The following FBXL17 variants were observed in gnomAD, a reference collection of about 807,000 sequenced individuals.
FBXL17 encodes the protein F-box and leucine rich repeat protein 17, also known as F-box/LRR-repeat protein 17.
Under a neutral mutation model 66.2 loss-of-function variants are expected in FBXL17, and 22 were observed. That is an observed-to-expected ratio of 0.33 (90% CI 0.24 to 0.47). The LOEUF is 0.47. FBXL17 is among the 20% of genes least tolerant of loss of function. FBXL17 has a pLI of 1.00. For synonymous variants in FBXL17, 474 were observed against 400.5 expected, an observed-to-expected ratio of 1.18 and a Z score of -2.19; for missense variants, 878 against 948.2, an observed-to-expected ratio of 0.93 and a Z score of 0.97.
intron 4 of FBXL17, among the ~76,000 whole-genome samples, chr5:108,316,988 C>T (rs188148051): frequency 1.3e-5 from 2 of 151,290 alleles, no homozygotes; most frequent in African/African-American, 4.8e-5. Flanking sequence ...ATATTTATCA[C>T]ATTTAAAGTT....
rs1283235170 is a variant in FBXL17, at chr5:107,860,637, G to A, written c.*1083C>T. ...GCAATAGATCTTTGCAGTAGCATGAGAACTAGTCCAAAATGACAACATGCA... is the reference window on the plus strand; with the variant it reads ...GCAATAGATCTTTGCAGTAGCATGAAAACTAGTCCAAAATGACAACATGCA... On this transcript the variant is annotated 3_prime_UTR_variant, in exon 9 of 9. Transcript: ENST00000542267. 6.6e-6 allele frequency: 1 copy of A among 152,522 alleles called. No homozygotes were observed. The highest frequency in any genetic ancestry group is 1.5e-5 in the Non-Finnish European group (1 of 68,008). The allele number at this position is 152,522 out of a possible 1,614,324, so 9.4% of individuals were successfully genotyped here.
intron 6 of FBXL17, among the ~76,000 whole-genome samples, chr5:108,109,504 C>T (rs534424402): frequency 7.9e-5 from 12 of 152,260 alleles, no homozygotes; most frequent in Admixed American, 7.8e-4. Flanking sequence ...TCAAACCTAG[C>T]ATAAAAAATA....
intron 4 of FBXL17, among the ~76,000 whole-genome samples, chr5:108,247,823 AG>A (rs1182377761): frequency 2.0e-5 from 3 of 152,196 alleles, no homozygotes; most frequent in East Asian, 3.9e-4. Flanking sequence ...GCCAAATACC[AG>A]GGATTAACAT....
At chr5:108,042,622 C>T (rs998836456) in intron 6 of FBXL17, among the ~76,000 whole-genome samples, 1 of 152,158 alleles carries the variant, frequency 6.6e-6, no homozygotes, top group Non-Finnish European at 1.5e-5. Context: ...AGTAGTATTC[C>T]ATGATATGCA....
intron 6 of FBXL17, among the ~76,000 whole-genome samples, chr5:108,054,947 C>T (rs1580379476): frequency 6.6e-6 from 1 of 152,062 alleles, no homozygotes; most frequent in South Asian, 2.1e-4. Flanking sequence ...TTTAGCAGTA[C>T]TTAGTGGAGG....
chr5:108,065,012 T>A (rs1465037396), intron 6 of FBXL17, among the ~76,000 whole-genome samples: 1 of 152,190 alleles, frequency 6.6e-6, no homozygotes. Context: ...GTTAAGAGAA[T>A]GAAAATGAAG....
intron 4 of FBXL17, among the ~76,000 whole-genome samples, chr5:108,239,914 C>A (rs1484628557): frequency 6.6e-6 from 1 of 151,984 alleles, no homozygotes; most frequent in Non-Finnish European, 1.5e-5. Context: ...GGCCCGTATT[C>A]CAGGACCTAG....
chr5:107,996,872 C>A (rs1218332466), intron 7 of FBXL17, among the ~76,000 whole-genome samples: 1 of 152,166 alleles, frequency 6.6e-6, no homozygotes, highest in Non-Finnish European at 1.5e-5. Flanking sequence ...TTTTGGAAGA[C>A]AGAATTTGAT....
chr5:108,257,467 C>G (rs112887658), intron 4 of FBXL17, among the ~76,000 whole-genome samples: 2 of 152,096 alleles, frequency 1.3e-5, no homozygotes, highest in African/African-American at 4.8e-5. Flanking sequence ...ATACTGAGAA[C>G]AAATGAGCGA....
At position 108,020,911 on chromosome 5, in the gene FBXL17, G is replaced by T. The variant is rs1410968234; in HGVS notation, c.1822+14C>A. Reference sequence around the variant, plus strand: ...TATTCTTAGAAAGGATTAGGAAAATGGTTCATTACCTACCATAATCTGTGA... The same window carrying T: ...TATTCTTAGAAAGGATTAGGAAAATTGTTCATTACCTACCATAATCTGTGA... On this transcript the variant is annotated intron_variant, in intron 7 of 8. Transcript: ENST00000542267. 2.6e-6 allele frequency: 4 copies of T among 1,560,590 alleles called. No homozygotes were observed. Among genetic ancestry groups the T allele is most frequent in the South Asian group, 1.1e-5 (1 of 89,640 alleles).
chr5:108,248,722 A>C (rs1756219482), intron 4 of FBXL17, among the ~76,000 whole-genome samples: 1 of 152,164 alleles, frequency 6.6e-6, no homozygotes, highest in Non-Finnish European at 1.5e-5. Flanking sequence ...TACAACTCAA[A>C]TTTAAGACAC....
At chr5:108,047,623 T>A (rs984560228) in intron 6 of FBXL17, among the ~76,000 whole-genome samples, 7 of 152,170 alleles carry the variant, frequency 4.6e-5, no homozygotes, top group South Asian at 2.1e-4. Flanking sequence ...GGAGGCTGGA[T>A]AACTTGGTTG....
At chr5:108,154,842 G>A (rs1751934850) in intron 6 of FBXL17, among the ~76,000 whole-genome samples, 1 of 151,422 alleles carries the variant, frequency 6.6e-6, no homozygotes, top group African/African-American at 2.4e-5. Context: ...AAAGAAATTA[G>A]GAAGGACCTA....
intron 6 of FBXL17, among the ~76,000 whole-genome samples, chr5:108,027,371 C>CA (rs1309495683): frequency 6.6e-6 from 1 of 152,000 alleles, no homozygotes; most frequent in East Asian, 1.9e-4. Context: ...TCTACTTAAC[C>CA]AAAAGTCTTG....
intron 6 of FBXL17, among the ~76,000 whole-genome samples, chr5:108,134,935 T>G (rs1221178111): frequency 3.3e-5 from 5 of 152,206 alleles, no homozygotes. Flanking sequence ...TTAATAAATT[T>G]GTATTTTAAT....
chr5:107,935,016 C>T (rs773416720), intron 7 of FBXL17, among the ~76,000 whole-genome samples: 2 of 151,600 alleles, frequency 1.3e-5, no homozygotes, highest in Non-Finnish European at 2.9e-5. Context: ...GTTATCGTTG[C>T]CATTAGTCTA....
At chr5:108,298,335 C>T (rs1419346161) in intron 4 of FBXL17, 1 of 983,828 alleles carries the variant, frequency 1.0e-6, no homozygotes, top group Admixed American at 6.2e-5. Context: ...TGAGAAAAAT[C>T]GTTTTTGTAT....
chr5:107,889,280 G>T (rs1180009520), intron 7 of FBXL17, among the ~76,000 whole-genome samples: 1 of 152,160 alleles, frequency 6.6e-6, no homozygotes, highest in Non-Finnish European at 1.5e-5. Flanking sequence ...GTAATCTGAA[G>T]ACGTGAAACT....
chr5:108,263,080 C>T (rs72791258), intron 4 of FBXL17, among the ~76,000 whole-genome samples: 3,426 of 152,226 alleles, frequency 0.023, 59 homozygotes, highest in Middle Eastern at 0.037. Flanking sequence ...ACCCAAAACT[C>T]GTGAACCATA....
Sources: allele counts gnomAD v4.1 joint callset (sites outside exome capture counted in the v4.1 genomes callset), GRCh38; gene constraint gnomAD v4.1.1; transcripts MANE v1.5; gene names NCBI Gene and HGNC (gene_info 2026-07-23, HGNC 2026-07-21).